Variants in FOXP2 observed in about 807,000 individuals in gnomAD.
FOXP2 encodes the protein forkhead box P2.
In FOXP2, 12 loss-of-function variants were observed where a neutral mutation model predicts 115.8. That is an observed-to-expected ratio of 0.10 (90% CI 0.07 to 0.17). The LOEUF (loss-of-function observed/expected upper bound fraction) is 0.17, where lower values mean the gene tolerates loss of function less well. Ranked by LOEUF, FOXP2 falls within the 10% of genes least tolerant of loss-of-function variation. The pLI is 1.00. For missense variants in FOXP2, 629 were observed against 843.5 expected, an observed-to-expected ratio of 0.75 and a Z score of 3.15; for synonymous variants, 328 against 297.7, an observed-to-expected ratio of 1.10 and a Z score of -1.05.
chr7:114,578,538 T>G (rs547510512), intron 3 of FOXP2, among the ~76,000 whole-genome samples: 1 of 152,114 alleles, frequency 6.6e-6, no homozygotes, highest in Admixed American at 6.5e-5. Flanking sequence ...AGTTCTTTAG[T>G]CTTGACTCAT....
intron 1 of FOXP2, among the ~76,000 whole-genome samples, chr7:114,228,229 T>C (rs1794790664): frequency 6.6e-6 from 1 of 151,958 alleles, no homozygotes; most frequent in Admixed American, 6.6e-5. Flanking sequence ...TGAAAAGATA[T>C]GAGTGTTGCT....
intron 1 of FOXP2, among the ~76,000 whole-genome samples, chr7:114,097,771 C>T (rs1458680227): frequency 6.6e-6 from 1 of 152,146 alleles, no homozygotes; most frequent in East Asian, 1.9e-4. Context: ...ATCTATTTGA[C>T]TGATTGATAT....
chr7:114,412,851 A>C (rs1419618098), upstream of FOXP2, among the ~76,000 whole-genome samples: 1 of 152,150 alleles, frequency 6.6e-6, no homozygotes, highest in Non-Finnish European at 1.5e-5. Flanking sequence ...TTTTGCAAAG[A>C]GACACTAGTG....
intron 1 of FOXP2, among the ~76,000 whole-genome samples, chr7:114,210,368 T>C (rs1265728939): frequency 6.6e-6 from 1 of 152,166 alleles, no homozygotes; most frequent in Non-Finnish European, 1.5e-5. Flanking sequence ...TTATGCCTGA[T>C]TTTCTTTTAA....
intron 1 of FOXP2, among the ~76,000 whole-genome samples, chr7:114,181,061 C>T (rs868606606): frequency 6.6e-6 from 1 of 151,810 alleles, no homozygotes; most frequent in East Asian, 1.9e-4. Flanking sequence ...TTTTTCTCTA[C>T]TCAGCATATT....
At chr7:114,377,486 C>T (rs1351792200) in intron 2 of FOXP2, among the ~76,000 whole-genome samples, 2 of 152,144 alleles carry the variant, frequency 1.3e-5, no homozygotes, top group African/African-American at 2.4e-5. Context: ...GGCATAGGAC[C>T]ATGTTCATAA....
At chr7:114,404,398 T>C (rs1216465910) in intron 2 of FOXP2, among the ~76,000 whole-genome samples, 1 of 152,154 alleles carries the variant, frequency 6.6e-6, no homozygotes, top group Non-Finnish European at 1.5e-5. Flanking sequence ...TAAGTTCTAA[T>C]TGGTTACATA....
chr7:114,332,119 TGTGTGTGTGTGC>T (rs1302081749), intron 2 of FOXP2, among the ~76,000 whole-genome samples: 2 of 152,064 alleles, frequency 1.3e-5, no homozygotes, highest in Non-Finnish European at 2.9e-5. Context: ...TGAACGTGTG[TGTGTGTGTGTGC>T]GTGTGTGTGT....
At chr7:114,275,729 T>C (rs181910357) in intron 1 of FOXP2, among the ~76,000 whole-genome samples, 20 of 152,344 alleles carry the variant, frequency 1.3e-4, no homozygotes, top group Admixed American at 5.9e-4. Context: ...TTTTGCCTTT[T>C]GATATGCCTT....
chr7:114,581,788 C>T (rs920951415), intron 3 of FOXP2, among the ~76,000 whole-genome samples: 2 of 152,080 alleles, frequency 1.3e-5, no homozygotes, highest in Non-Finnish European at 2.9e-5. Context: ...CCCCCTAGTC[C>T]CTGGAAACCA....
chr7:114,218,689 G>A (rs745938866), intron 1 of FOXP2, among the ~76,000 whole-genome samples: 9 of 152,188 alleles, frequency 5.9e-5, no homozygotes, highest in Non-Finnish European at 1.0e-4. Flanking sequence ...TGAGTGTCAA[G>A]CACTGAATAG....
intron 3 of FOXP2, among the ~76,000 whole-genome samples, chr7:114,574,839 ATGTCT>A (rs1476315691): frequency 2.0e-5 from 3 of 151,904 alleles, no homozygotes; most frequent in African/African-American, 7.2e-5. Context: ...GATGAACAAA[ATGTCT>A]TGTACCTATA....
intron 3 of FOXP2, among the ~76,000 whole-genome samples, chr7:114,600,340 C>T (rs2129313199): frequency 6.6e-6 from 1 of 152,284 alleles, no homozygotes; most frequent in East Asian, 1.9e-4. Flanking sequence ...CATGTCTTTT[C>T]ATGGCATGAT....
In FOXP2 at chr7:114,691,770, G is replaced by A. The variant is rs779526905; in HGVS notation, c.*1844G>A. On this transcript the variant is annotated 3_prime_UTR_variant, in exon 17 of 17. Transcript: ENST00000350908. ...CGTTCCCGTTCCATGTGATGGAACC[G>A]GTTCTTGCAAACTAAGCTCATCATT... The A allele has an allele frequency of 2.2e-6, 1 of 453,358 alleles. No homozygotes were observed. The highest frequency in any genetic ancestry group is 1.6e-5 in the South Asian group (1 of 64,318). 28.1% of individuals were successfully genotyped at this position (453,358 alleles called of 1,614,324 possible).
In FOXP2 at chr7:114,536,071, G is replaced by A. The variant is rs1436268259; in HGVS notation, c.258+1365G>A. The stretch of plus-strand genomic sequence containing the variant: ...TCTCTTCATGCATTTACATGACAGA[G>A]AAAAATTTACATAGAAGTCACAGAA... On this transcript the variant is annotated intron_variant, in intron 3 of 16. Transcript: ENST00000350908. 2.6e-5 allele frequency among the ~76,000 whole-genome samples: 4 copies of A among 151,406 alleles called. No homozygotes were observed. The East Asian group carries it at 7.7e-4, about 29-fold the overall frequency.
intron 2 of FOXP2, among the ~76,000 whole-genome samples, chr7:114,490,269 A>G (rs1796973908): frequency 1.3e-5 from 2 of 152,158 alleles, no homozygotes; most frequent in Admixed American, 6.6e-5. Context: ...GTGAAAAGAT[A>G]AGGAGGAAAT....
intron 1 of FOXP2, among the ~76,000 whole-genome samples, chr7:114,096,153 G>A (rs1272673630): frequency 6.6e-6 from 1 of 152,142 alleles, no homozygotes; most frequent in East Asian, 1.9e-4. Flanking sequence ...GTCACCATCA[G>A]CTCACTATGC....
At chr7:114,293,357 G>A (rs115654048) in intron 2 of FOXP2, among the ~76,000 whole-genome samples, 107 of 152,002 alleles carry the variant, frequency 7.0e-4, no homozygotes, top group African/African-American at 2.5e-3. Context: ...CTTGCTCTGG[G>A]GGAGGCTGGC....
intron 2 of FOXP2, among the ~76,000 whole-genome samples, chr7:114,437,202 CAGTGGA>C (rs1355825043): frequency 2.0e-5 from 3 of 152,052 alleles, no homozygotes; most frequent in African/African-American, 7.2e-5. Context: ...GCCACATTGT[CAGTGGA>C]AGTGATTTAC....
Sources: allele counts gnomAD v4.1 joint callset (sites outside exome capture counted in the v4.1 genomes callset), GRCh38; gene constraint gnomAD v4.1.1; transcripts MANE v1.5; gene names NCBI Gene and HGNC (gene_info 2026-07-23, HGNC 2026-07-21).